The following ADGRB1 variants were observed in gnomAD, a reference collection of about 807,000 sequenced individuals.
The protein encoded by ADGRB1 is brain-specific angiogenesis inhibitor 1.
Under a neutral mutation model 175.7 loss-of-function variants are expected in ADGRB1, and 36 were observed. The observed-to-expected ratio is 0.20, with a 90% CI of 0.16 to 0.27. The LOEUF (loss-of-function observed/expected upper bound fraction) is 0.27, where lower values mean the gene tolerates loss of function less well. ADGRB1 is among the 10% of genes least tolerant of loss of function. The pLI, the probability that ADGRB1 is intolerant of heterozygous loss-of-function variation, is 1.00. For missense variants in ADGRB1, 1,731 were observed against 2,255.3 expected, an observed-to-expected ratio of 0.77 and a Z score of 4.71; for synonymous variants, 1,054 against 979.4, an observed-to-expected ratio of 1.08 and a Z score of -1.42.
rs1377356270 is a variant in ADGRB1, at chr8:142,492,216, A to C, written c.2675+1401A>C. ...ACCACCTTCTACCCACCACCCATCC[A>C]CCGCTCCTCCGTCCGCCTGTTCTTT... On this transcript the variant is annotated intron_variant, in intron 17 of 30. Transcript: ENST00000517894. The surrounding 1 kb of genome is among the most constrained non-coding windows in gnomAD (Gnocchi z 4.4). 2.0e-5 allele frequency among the ~76,000 whole-genome samples: 3 copies of C among 151,354 alleles called. No individual in the cohort carries two copies. The highest frequency in any genetic ancestry group is 2.9e-5 in the Non-Finnish European group (2 of 67,838).
At chr8:142,519,027 G>A (rs986447256) in intron 19 of ADGRB1, among the ~76,000 whole-genome samples, 49 of 152,196 alleles carry the variant, frequency 3.2e-4, no homozygotes, top group African/African-American at 1.1e-3. Flanking sequence ...GAGCTTTCCC[G>A]GAGACAGTGA....
Position 142,476,619 on chromosome 8 carries a change from G to A in ADGRB1, c.981G>A (p.Leu327=). 1 of 1,548,894 alleles carries A rather than the reference G, an allele frequency of 6.5e-7. No individual in the cohort carries two copies. Among genetic ancestry groups the A allele is most frequent in the Admixed American group, 2.0e-5 (1 of 50,984 alleles). ...AGRTSSRSQS[L]RSTDARRREE... ...GCACCAGCTCCCGGAGCCAGTCCCT[G>A]CGGTCCACAGATGCCCGGCGGCGCG... is the stretch of plus-strand genomic sequence containing the variant. The change falls in exon 4 of 31, where the codon CTG becomes CTA. Residue 327 remains leucine, a synonymous_variant. Coordinates refer to ENST00000517894, the MANE Select transcript of ADGRB1 (RefSeq NM_001702.3).
chr8:142,519,950 A>ATGGTGG (rs371205058), intron 19 of ADGRB1, among the ~76,000 whole-genome samples: 2 of 82,748 alleles, frequency 2.4e-5, no homozygotes, highest in African/African-American at 9.4e-5. Context: ...TGATGGCGTG[A>ATGGTGG]TGGTGGTGGT....
At position 142,533,434 on chromosome 8, in the gene ADGRB1, A is replaced by G; in HGVS notation, c.3538A>G (p.Ile1180Val). ...CTTCGACTCGCTGGAGGGCTTCGTC[A>G]TCGTCATGGTGCACTGTATCCTCCG... is the stretch of plus-strand genomic sequence containing the variant. ...AVFDSLEGFV[I>V]VMVHCILRRE... The change falls in exon 25 of 31, where the codon ATC becomes GTC. Residue 1180 changes from isoleucine to valine, a missense_variant. Ile to Val is a conservative substitution (Grantham distance 29, BLOSUM62 3). Around this residue, in one of 8 missense-constraint regions of ADGRB1, gnomAD observed 301 missense variants for 488.4 expected, o/e 0.62. Coordinates refer to ENST00000517894, the MANE Select transcript of ADGRB1 (RefSeq NM_001702.3). 3 of 1,612,248 alleles carry G rather than the reference A, an allele frequency of 1.9e-6. No individual in the cohort carries two copies. Among genetic ancestry groups the G allele is most frequent in the African/African-American group, 1.3e-5 (1 of 75,012 alleles).
At chr8:142,482,383 T>G (rs1431105826) in intron 11 of ADGRB1, among the ~76,000 whole-genome samples, 1 of 114,944 alleles carries the variant, frequency 8.7e-6, no homozygotes, top group African/African-American at 3.5e-5. Flanking sequence ...GAGCCCTGAT[T>G]CTGGTTACAC....
chr8:142,488,443 C>T lies in ADGRB1; in HGVS notation c.2388C>T (p.Asp796=), dbSNP rs775306183. ...FPMKGWRATG[D]WAKVPEDRVT... The stretch of plus-strand genomic sequence containing the variant: ...TGAAGGGCTGGCGGGCCACGGGTGA[C>T]TGGGCCAAGGTGCCAGAGGACAGGG... Residue 796 remains aspartate, a synonymous_variant, in exon 14 of 31, where the codon GAC becomes GAT. Coordinates refer to ENST00000517894, the MANE Select transcript of ADGRB1 (RefSeq NM_001702.3). 7 of 1,613,164 alleles carry T rather than the reference C, an allele frequency of 4.3e-6. No homozygotes were observed. The highest frequency in any genetic ancestry group is 5.1e-6 in the Non-Finnish European group (6 of 1,179,852).
chr8:142,503,919 C>G (rs1174978298), intron 17 of ADGRB1, among the ~76,000 whole-genome samples: 1 of 152,116 alleles, frequency 6.6e-6, no homozygotes, highest in Non-Finnish European at 1.5e-5. Flanking sequence ...CATGAGAAGC[C>G]CTGGAGGCCC....
intron 13 of ADGRB1, among the ~76,000 whole-genome samples, chr8:142,487,855 A>G (rs7462966): frequency 0.58 from 88,424 of 152,030 alleles, 26,054 homozygotes; most frequent in Middle Eastern, 0.66. Flanking sequence ...CGTGGCCCAT[A>G]CTGCCCTTTG....
chr8:142,542,539 A>AC lies in ADGRB1; in HGVS notation c.4311dup (p.Ser1438GlnfsTer46). The AC allele has an allele frequency of 1.4e-6, 2 of 1,447,328 alleles. No homozygotes were observed. Among genetic ancestry groups the AC allele is most frequent in the African/African-American group, 1.6e-5 (1 of 63,606 alleles). The allele number at this position is 1,447,328 out of a possible 1,614,324, so 89.7% of individuals were successfully genotyped here. ...CCCCACCGCCCAATCTGGAGCCGGCACCCCCCAGCCTGGGGGATCCCGGGG... is the reference window on the plus strand; with the variant it reads ...CCCCACCGCCCAATCTGGAGCCGGCACCCCCCCAGCCTGGGGGATCCCGGGG... On this transcript the variant is annotated frameshift_variant, in exon 28 of 31. Transcript: ENST00000517894. LOFTEE classifies it high-confidence loss of function. This position sits in a 1 kb window ranked among gnomAD's most constrained non-coding sequence, Gnocchi z 6.3.
At position 142,511,369 on chromosome 8, in the gene ADGRB1, C is replaced by T. The variant is rs1296928514; in HGVS notation, c.2817+296C>T. 6.6e-6 allele frequency among the ~76,000 whole-genome samples: 1 copy of T among 152,032 alleles called. No individual in the cohort carries two copies. The highest frequency in any genetic ancestry group is 2.4e-5 in the African/African-American group (1 of 41,416). On this transcript the variant is annotated intron_variant, in intron 18 of 30. Transcript: ENST00000517894. The surrounding 1 kb of genome is among the most constrained non-coding windows in gnomAD (Gnocchi z 4.5). ...CCTGGCCTTGGAGGCCCGGGATCTC[C>T]GAGGGAGCCTGGGCCTGGGGAGAGG... is the stretch of plus-strand genomic sequence containing the variant.
intron 24 of ADGRB1, among the ~76,000 whole-genome samples, chr8:142,528,200 C>T (rs1351985282): frequency 6.6e-6 from 1 of 152,256 alleles, no homozygotes; most frequent in African/African-American, 2.4e-5. Flanking sequence ...CCCAGGTCAG[C>T]TCCCTCGCAG....
chr8:142,525,818 C>T (rs1844142212), intron 23 of ADGRB1, among the ~76,000 whole-genome samples: 1 of 152,148 alleles, frequency 6.6e-6, no homozygotes, highest in African/African-American at 2.4e-5. Context: ...CAGCATCTTT[C>T]TGCAGAGTGG....
At chr8:142,529,373 T>G (rs1166336093) in intron 24 of ADGRB1, among the ~76,000 whole-genome samples, 1 of 151,946 alleles carries the variant, frequency 6.6e-6, no homozygotes, top group Non-Finnish European at 1.5e-5. Context: ...TGAGAGTACT[T>G]GCTTTTGTTT....
At chr8:142,484,589 G>A (rs1456519654) in intron 12 of ADGRB1, 67 bp from the exon 13 acceptor site, 2 of 1,436,738 alleles carry the variant, frequency 1.4e-6, no homozygotes, top group Non-Finnish European at 1.9e-6. Context: ...GACAGGGAAG[G>A]GAAGGAGGCA....
intron 7 of ADGRB1, among the ~76,000 whole-genome samples, chr8:142,478,771 G>A (rs1314733484): frequency 1.3e-5 from 2 of 149,240 alleles, no homozygotes; most frequent in Non-Finnish European, 3.0e-5. Flanking sequence ...GGGTGTCTGT[G>A]GAGAAGTGGA....
At chr8:142,490,853 G>T (rs1251442564) in intron 17 of ADGRB1, 38 bp downstream of exon 17, 2 of 1,558,518 alleles carry the variant, frequency 1.3e-6, no homozygotes, top group Non-Finnish European at 1.7e-6. Flanking sequence ...GGGGGTCTGG[G>T]GTGGGGTTCG....
chr8:142,484,950 G>A (rs1424012682), intron 13 of ADGRB1, among the ~76,000 whole-genome samples, 186 bp downstream of exon 13: 1 of 152,246 alleles, frequency 6.6e-6, no homozygotes, highest in African/African-American at 2.4e-5. Context: ...TGGCCTAGGA[G>A]GGGATGAGAC....
intron 1 of ADGRB1, among the ~76,000 whole-genome samples, chr8:142,462,663 C>T (rs1840031529): frequency 6.6e-6 from 1 of 152,238 alleles, no homozygotes; most frequent in African/African-American, 2.4e-5. Flanking sequence ...AGCGGCAAGT[C>T]CCGTGGGCGG....
At chr8:142,482,564 C>T (rs1841417476) in intron 11 of ADGRB1, among the ~76,000 whole-genome samples, 1 of 148,240 alleles carries the variant, frequency 6.7e-6, no homozygotes, top group Non-Finnish European at 1.5e-5. Context: ...TCATGCTGAG[C>T]CCTGATCCTG....
Sources: allele counts gnomAD v4.1 joint callset (sites outside exome capture counted in the v4.1 genomes callset), GRCh38; gene constraint gnomAD v4.1.1; regional missense constraint gnomAD v4.1.1; non-coding constraint Gnocchi (gnomAD v3.1); transcripts MANE v1.5; gene names NCBI Gene and HGNC (gene_info 2026-07-23, HGNC 2026-07-21).